LHFPL3: variants seen among roughly 807,000 people sequenced by gnomAD.
LHFPL3 encodes LHFPL tetraspan subfamily member 3.
A neutral mutation model predicts 19.3 loss-of-function variants in LHFPL3; 5 were observed. That is an observed-to-expected ratio of 0.26 (90% confidence interval 0.14 to 0.54). The LOEUF (loss-of-function observed/expected upper bound fraction) is 0.54. Among genes scored for constraint, LHFPL3 ranks in the 20% least tolerant of loss-of-function variants. The pLI, the probability that LHFPL3 is intolerant of heterozygous loss-of-function variation, is 0.94. For missense variants in LHFPL3, 249 were observed against 307.4 expected (o/e 0.81, Z 1.42); for synonymous variants, 133 against 126.2 (o/e 1.05, Z -0.36).
At chr7:104,803,380 A>C (rs1291954877) in intron 2 of LHFPL3, 1 of 152,246 alleles carries the variant, frequency 6.6e-6, no homozygotes, top group Non-Finnish European at 1.5e-5. Context: ...TTCCAAGGCC[A>C]TAACCATATG....
intron 1 of LHFPL3, among the ~76,000 whole-genome samples, chr7:104,343,728 C>CGTGTGTGTGTGT (rs10687589): frequency 1.1e-3 from 164 of 148,858 alleles, no homozygotes; most frequent in African/African-American, 3.9e-3. Flanking sequence ...GTATGGCTTG[C>CGTGTGTGTGTGT]GTGTGTGTGT....
At position 104,640,776 on chromosome 7, in the gene LHFPL3, A is replaced by T. The variant is rs530932328; in HGVS notation, c.446-95899A>T. On this transcript the variant is annotated intron_variant, in intron 1 of 2. Coordinates refer to ENST00000424859, the MANE Select transcript of LHFPL3 (RefSeq NM_199000.3). The stretch of plus-strand genomic sequence containing the variant: ...TACATGAGTTGCAGTAAGTAAGTAA[A>T]ACTCATTTACAAGAGTTTACATGAG... 2.6e-5 allele frequency among the ~76,000 whole-genome samples: 4 copies of T among 152,248 alleles called. No homozygotes were observed. The South Asian group carries it at 8.3e-4, about 32-fold the overall frequency.
At chr7:104,888,441 G>C (rs574386883) in intron 2 of LHFPL3, among the ~76,000 whole-genome samples, 11 of 152,268 alleles carry the variant, frequency 7.2e-5, no homozygotes, top group Admixed American at 5.9e-4. Context: ...GAGGCAGGAG[G>C]GTCTCTTGGA....
At chr7:104,375,252 C>T (rs1790690523) in intron 1 of LHFPL3, among the ~76,000 whole-genome samples, 2 of 152,116 alleles carry the variant, frequency 1.3e-5, no homozygotes, top group African/African-American at 4.8e-5. Flanking sequence ...GCAGGAGAAT[C>T]ACTTGAACCT....
chr7:104,584,918 G>A (rs1584418269), intron 1 of LHFPL3, among the ~76,000 whole-genome samples: 1 of 152,140 alleles, frequency 6.6e-6, no homozygotes, highest in Admixed American at 6.6e-5. Flanking sequence ...ATCCAGGATA[G>A]GCAGCATCTG....
At chr7:104,407,852 C>T (rs557616170) in intron 1 of LHFPL3, among the ~76,000 whole-genome samples, 1 of 152,310 alleles carries the variant, frequency 6.6e-6, no homozygotes, top group Admixed American at 6.5e-5. Flanking sequence ...TGACAACCAT[C>T]TAGAAAGTTC....
chr7:104,617,666 T>G (rs1378298316), intron 1 of LHFPL3, among the ~76,000 whole-genome samples: 1 of 152,242 alleles, frequency 6.6e-6, no homozygotes, highest in East Asian at 1.9e-4. Context: ...ATTAGATGCA[T>G]ACTTTCCCTT....
At chr7:104,469,614 C>G (rs1792866073) in intron 1 of LHFPL3, among the ~76,000 whole-genome samples, 1 of 152,152 alleles carries the variant, frequency 6.6e-6, no homozygotes, top group Non-Finnish European at 1.5e-5. Context: ...AGTTTTCCTG[C>G]TTACCCCACC....
chr7:104,341,267 C>T (rs1469076348), intron 1 of LHFPL3, among the ~76,000 whole-genome samples: 1 of 152,110 alleles, frequency 6.6e-6, no homozygotes, highest in Non-Finnish European at 1.5e-5. Flanking sequence ...TTCTATTTTT[C>T]ATTAACATGT....
chr7:104,448,399 A>G (rs950750779), intron 1 of LHFPL3, among the ~76,000 whole-genome samples: 1 of 152,194 alleles, frequency 6.6e-6, no homozygotes, highest in Non-Finnish European at 1.5e-5. Flanking sequence ...TGAAGACCCT[A>G]TAATTACCCA....
At chr7:104,508,122 G>T (rs910728102) in intron 1 of LHFPL3, among the ~76,000 whole-genome samples, 3 of 151,726 alleles carry the variant, frequency 2.0e-5, no homozygotes, top group African/African-American at 4.9e-5. Flanking sequence ...TATACCCAAA[G>T]GACTATAAAT....
chr7:104,725,956 G>C (rs112173672), intron 1 of LHFPL3, among the ~76,000 whole-genome samples: 34,998 of 149,752 alleles, frequency 0.23, 4,261 homozygotes, highest in South Asian at 0.43. Flanking sequence ...GGAGGCTGAG[G>C]CAGGAGAACT....
intron 1 of LHFPL3, among the ~76,000 whole-genome samples, chr7:104,445,606 C>T (rs1243596462): frequency 2.6e-5 from 4 of 152,136 alleles, no homozygotes; most frequent in Non-Finnish European, 5.9e-5. Context: ...ACTGCATTTA[C>T]TTTAAGGAAG....
chr7:104,417,774 G>A (rs1030623535), intron 1 of LHFPL3, among the ~76,000 whole-genome samples: 13 of 151,266 alleles, frequency 8.6e-5, no homozygotes, highest in African/African-American at 2.7e-4. Flanking sequence ...AATACTTAAC[G>A]GTGCTTGACT....
intron 1 of LHFPL3, among the ~76,000 whole-genome samples, chr7:104,672,886 G>T (rs1658095809): frequency 6.6e-6 from 1 of 151,988 alleles, no homozygotes; most frequent in Non-Finnish European, 1.5e-5. Flanking sequence ...TGAATGCTCG[G>T]GGTTTCTGCT....
At chr7:104,575,526 G>A (rs1231515758) in intron 1 of LHFPL3, among the ~76,000 whole-genome samples, 1 of 121,198 alleles carries the variant, frequency 8.3e-6, no homozygotes, top group East Asian at 2.7e-4. Flanking sequence ...TATGAGAAAT[G>A]AGTGAGAACA....
chr7:104,361,401 G>A (rs1283721852), intron 1 of LHFPL3, among the ~76,000 whole-genome samples: 1 of 152,120 alleles, frequency 6.6e-6, no homozygotes, highest in Non-Finnish European at 1.5e-5. Flanking sequence ...ACATTGTCAA[G>A]GTACATTCTA....
chr7:104,782,972 A>G (rs1471613256), intron 2 of LHFPL3, among the ~76,000 whole-genome samples: 5 of 152,214 alleles, frequency 3.3e-5, no homozygotes, highest in Admixed American at 1.3e-4. Flanking sequence ...GCACACATAC[A>G]TTGCCTTCTT....
intron 1 of LHFPL3, among the ~76,000 whole-genome samples, chr7:104,409,782 A>G (rs565009011): frequency 2.8e-4 from 42 of 152,212 alleles, no homozygotes; most frequent in Admixed American, 5.9e-4. Flanking sequence ...GCCTTCGAAC[A>G]TAAATCTTTG....
Sources: allele counts gnomAD v4.1 joint callset (sites outside exome capture counted in the v4.1 genomes callset), GRCh38; gene constraint gnomAD v4.1.1; transcripts MANE v1.5; gene names NCBI Gene and HGNC (gene_info 2026-07-23, HGNC 2026-07-21).